The following DRD4 variants were observed in gnomAD, a reference collection of about 807,000 sequenced individuals.
DRD4 encodes dopamine receptor D4.
DRD4 carries 26 observed loss-of-function variants against 22.1 expected under a neutral mutation model. The ratio of observed to expected loss-of-function variants is 1.17; its 90% CI spans 0.86 to 1.63. DRD4 has a LOEUF of 1.63. Ranked by LOEUF, DRD4 falls within the 40% of genes most tolerant of loss-of-function variation. The pLI, the probability that DRD4 is intolerant of heterozygous loss-of-function variation, is 0.00. For missense variants in DRD4, 913 were observed against 632.4 expected (o/e 1.44, Z -4.76); for synonymous variants, 455 against 306.7 (o/e 1.48, Z -5.05).
chr11:640,345 G>T (rs763981192), intron 3 of DRD4, 39 bp downstream of exon 3: 13 of 1,554,138 alleles, frequency 8.4e-6, no homozygotes, highest in South Asian at 6.9e-5. Flanking sequence ...GAGAGGAGGG[G>T]GGGGGTACGA....
Position 637,275 on chromosome 11 carries a change from C to G in DRD4, c.-30C>G, listed in dbSNP as rs956929710. On this transcript the variant is annotated 5_prime_UTR_variant, in exon 1 of 4. Transcript: ENST00000176183. ...CCCCGGCTTGCGACCCGGCGTTGTC[C>G]GCGGTGCTCAGCGCCCGCCCGGGCG... 1.5e-5 allele frequency: 18 copies of G among 1,177,758 alleles called. No homozygotes were observed. In the South Asian group the frequency reaches 4.9e-4, roughly 32 times the overall value. 73.0% of individuals were successfully genotyped at this position (1,177,758 alleles called of 1,614,324 possible).
Position 637,335 on chromosome 11 carries a change from G to C in DRD4, c.31G>C (p.Gly11Arg), listed in dbSNP as rs189482961. The C allele has an allele frequency of 0.012, 15,314 of 1,263,252 alleles. 120 individuals are homozygous for C. Among genetic ancestry groups the C allele is most frequent in the Non-Finnish European group, 0.014 (14,127 of 1,009,710 alleles). The allele number at this position is 1,263,252 out of a possible 1,614,324, so 78.3% of individuals were successfully genotyped here. The change falls in exon 1 of 4, where the codon GGG becomes CGG. Residue 11 changes from glycine (G) to arginine (R), a missense_variant. Coordinates refer to ENST00000176183, the MANE Select transcript of DRD4 (RefSeq NM_000797.4). The part of the protein sequence containing the change: MGNRSTADAD[G>R]LLAGRGPAAG... ...GAACCGCAGCACCGCGGACGCGGAC[G>C]GGCTGCTGGCTGGGCGCGGGCCGGC...
At position 640,598 on chromosome 11, in the gene DRD4, T is replaced by C; in HGVS notation, c.1255T>C (p.Cys419Arg). 6.3e-7 allele frequency: 1 copy of C among 1,599,302 alleles called. No individual in the cohort carries two copies. Among genetic ancestry groups the C allele is most frequent in the Non-Finnish European group, 8.5e-7 (1 of 1,179,790 alleles). The change falls in exon 4 of 4, where the codon TGC becomes CGC. Residue 419 changes from cysteine (C) to arginine (R), a missense_variant. Cys to Arg is a radical substitution (Grantham distance 180). Coordinates refer to ENST00000176183, the MANE Select transcript of DRD4 (RefSeq NM_000797.4). ...CTTCCGCAAGGCCCTGCGTGCCTGCTGCTGAGCCGGGCACCCCCGGACGCC... is the reference window on the plus strand; with the variant it reads ...CTTCCGCAAGGCCCTGCGTGCCTGCCGCTGAGCCGGGCACCCCCGGACGCC... ...NVFRKALRAC[C>R]
chr11:639,326 G>A, intron 1 of DRD4, 107 bp from the exon 2 acceptor site: 1 of 1,060,190 alleles, frequency 9.4e-7, no homozygotes, highest in Non-Finnish European at 1.4e-6. Flanking sequence ...CTCACAGCCG[G>A]GCCCCCTTCT....
rs1296550152 is a variant in DRD4 at position 637,380 on chromosome 11, G to T, written c.76G>T (p.Ala26Ser). 6 of 1,302,380 alleles carry T rather than the reference G, an allele frequency of 4.6e-6. No individual in the cohort carries two copies. In the African/African-American group the frequency reaches 4.6e-5, roughly 10 times the overall value. 80.7% of individuals were successfully genotyped at this position (1,302,380 alleles called of 1,614,324 possible). A position where few individuals can be genotyped will look rare whatever the true frequency, so the allele number is the denominator to read the frequency against. Residue 26 changes from alanine (A) to serine (S), a missense_variant, in exon 1 of 4, where the codon GCA becomes TCA. By Grantham distance (99) the Ala-to-Ser change is moderately conservative. Transcript: ENST00000176183. Reference protein sequence around the residue: ...RGPAAGASAGASAGLAGQGAA... With the variant: ...RGPAAGASAGSSAGLAGQGAA... ...GCCGGCCGCGGGGGCATCTGCGGGG[G>T]CATCTGCGGGGCTGGCTGGGCAGGG... is the stretch of plus-strand genomic sequence containing the variant.
rs1221271250 is a variant in DRD4 at position 640,323 on chromosome 11, AG to A, written c.1057+21del. 7.6e-7 allele frequency: 1 copy of A among 1,319,336 alleles called. No individual in the cohort carries two copies. The highest frequency in any genetic ancestry group is 1.0e-6 in the Non-Finnish European group (1 of 953,988). The allele number at this position is 1,319,336 out of a possible 1,614,324, so 81.7% of individuals were successfully genotyped here. A position where few individuals can be genotyped will look rare whatever the true frequency, so the allele number is the denominator to read the frequency against. ...TGGTGGTCGGTGGGTTCCTGTCCTG[AG>A]GGGCGGGGAGGAGAGGAGGGGGGGG... On this transcript the variant is annotated intron_variant, in intron 3 of 3. Transcript: ENST00000176183.
At position 639,680 on chromosome 11, in the gene DRD4, A is replaced by G. The variant is rs1419455038; in HGVS notation, c.431A>G (p.Asn144Ser). The G allele has an allele frequency of 2.7e-6, 4 of 1,472,086 alleles. No homozygotes were observed. Among genetic ancestry groups the G allele is most frequent in the Non-Finnish European group, 3.6e-6 (4 of 1,116,842 alleles). The allele number at this position is 1,472,086 out of a possible 1,614,324, so 91.2% of individuals were successfully genotyped here. A position where few individuals can be genotyped will look rare whatever the true frequency, so the allele number is the denominator to read the frequency against. ...FVAVAVPLRY[N>S]RQGGSRRQLL... ...GCCGTGGCCGTGCCGCTGCGCTACA[A>G]CCGGCAGGGTGGGAGCCGCCGGCAG... is the stretch of plus-strand genomic sequence containing the variant. The change falls in exon 3 of 4, where the codon AAC (asparagine) becomes AGC (serine). Residue 144 changes from asparagine (N) to serine (S), a missense_variant. Coordinates refer to ENST00000176183, the MANE Select transcript of DRD4 (RefSeq NM_000797.4).
chr11:639,460 C>A lies in DRD4; in HGVS notation c.313C>A (p.Pro105Thr), dbSNP rs780199282. ...EVQGGAWLLS[P>T]RLCDALMAMD... ...CCAGGGTGGCGCGTGGCTGCTGAGCCCCCGCCTGTGCGACGCCCTCATGGC... is the reference window on the plus strand; with the variant it reads ...CCAGGGTGGCGCGTGGCTGCTGAGCACCCGCCTGTGCGACGCCCTCATGGC... Residue 105 changes from proline to threonine, a missense_variant, in exon 2 of 4, where the codon CCC becomes ACC. Transcript: ENST00000176183. 1.2e-6 allele frequency: 2 copies of A among 1,600,062 alleles called. No individual in the cohort carries two copies. The highest frequency in any genetic ancestry group is 2.2e-5 in the South Asian group (2 of 90,318).
At position 639,524 on chromosome 11, in the gene DRD4, TGTGCGCCATCAGCGTGGACAG is replaced by T; in HGVS notation, c.385_398+7del. 1 of 1,599,752 alleles carries T rather than the reference TGTGCGCCATCAGCGTGGACAG, an allele frequency of 6.3e-7. No homozygotes were observed. Among genetic ancestry groups the T allele is most frequent in the Middle Eastern group, 1.7e-4 (1 of 6,048 alleles). On this transcript the variant is annotated inframe_deletion and splice_region_variant, in exon 2 of 4. Transcript: ENST00000176183. ...CTGTGCACCGCCTCCATCTTCAACC[TGTGCGCCATCAGCGTGGACAG>T]GTGCGCCGCCCTCCCCGCCCGCGCC...
chr11:639,760 C>G lies in DRD4; in HGVS notation c.511C>G (p.Leu171Val). ...LLSAAVAAPV[L>V]CGLNDVRGRD... Reference sequence around the variant, plus strand: ...GTCCGCGGCGGTGGCGGCGCCCGTACTGTGCGGCCTCAACGACGTGCGCGG... The same window carrying G: ...GTCCGCGGCGGTGGCGGCGCCCGTAGTGTGCGGCCTCAACGACGTGCGCGG... The change falls in exon 3 of 4, where the codon CTG (leucine) becomes GTG (valine). Residue 171 changes from leucine to valine, a missense_variant. Physicochemically the swap from Leu to Val is conservative, Grantham distance 32. Coordinates refer to ENST00000176183, the MANE Select transcript of DRD4 (RefSeq NM_000797.4). The G allele has an allele frequency of 6.4e-7, 1 of 1,565,854 alleles. No individual in the cohort carries two copies. The highest frequency in any genetic ancestry group is 8.6e-7 in the Non-Finnish European group (1 of 1,165,556).
rs1185273003 is a variant in DRD4, at chr11:640,278, G to A, written c.1029G>A (p.Lys343=). Residue 343 remains lysine, a synonymous_variant, in exon 3 of 4, where the codon AAG becomes AAA. Transcript: ENST00000176183. ...CCAAGATCACCGGCCGGGAGCGCAA[G>A]GCCATGAGGGTCCTGCCGGTGGTGG... ...RRAKITGRER[K]AMRVLPVVVG... The A allele has an allele frequency of 3.3e-6, 5 of 1,534,794 alleles. No homozygotes were observed. The highest frequency in any genetic ancestry group is 2.0e-5 in the Admixed American group (1 of 51,054).
At position 639,857 on chromosome 11, in the gene DRD4, T is replaced by C; in HGVS notation, c.608T>C (p.Leu203Pro). The C allele has an allele frequency of 6.3e-7, 1 of 1,584,000 alleles. No individual in the cohort carries two copies. Among genetic ancestry groups the C allele is most frequent in the Non-Finnish European group, 8.5e-7 (1 of 1,172,452 alleles). ...VVYSSVCSFF[L>P]PCPLMLLLYW... The stretch of plus-strand genomic sequence containing the variant: ...TACTCGTCCGTGTGCTCCTTCTTCC[T>C]ACCCTGCCCGCTCATGCTGCTGCTC... The change falls in exon 3 of 4, where the codon CTA becomes CCA. Residue 203 changes from leucine to proline, a missense_variant. Leu to Pro is a moderately conservative substitution (Grantham distance 98). Coordinates refer to ENST00000176183, the MANE Select transcript of DRD4 (RefSeq NM_000797.4).
rs760248377 is a variant in DRD4 at position 640,216 on chromosome 11, C to T, written c.967C>T (p.Pro323Ser). 4.1e-5 allele frequency: 63 copies of T among 1,532,330 alleles called. No homozygotes were observed. Among genetic ancestry groups the T allele is most frequent in the Admixed American group, 2.0e-5 (1 of 50,846 alleles). 94.9% of individuals were successfully genotyped at this position (1,532,330 alleles called of 1,614,324 possible). Residue 323 changes from proline (P) to serine (S), a missense_variant, in exon 3 of 4, where the codon CCC becomes TCC. Transcript: ENST00000176183. ...PDAVRAAALPPQTPPQTRRRR... is the reference protein window; with the variant it reads ...PDAVRAAALPSQTPPQTRRRR... ...CGCCGTCAGAGCCGCCGCGCTCCCA[C>T]CCCAGACTCCACCGCAGACCCGCAG...
Position 639,796 on chromosome 11 carries a change from G to A in DRD4, c.547G>A (p.Ala183Thr), listed in dbSNP as rs1187739945. Residue 183 changes from alanine (A) to threonine (T), a missense_variant, in exon 3 of 4, where the codon GCC becomes ACC. Ala to Thr is a moderately conservative substitution (Grantham distance 58). Transcript: ENST00000176183. ...GLNDVRGRDP[A>T]VCRLEDRDYV... is the part of the protein sequence containing the mutation. ...CAACGACGTGCGCGGCCGCGACCCC[G>A]CCGTGTGCCGCCTGGAGGACCGCGA... 1.3e-6 allele frequency: 2 copies of A among 1,580,482 alleles called. No individual in the cohort carries two copies. The highest frequency in any genetic ancestry group is 1.7e-6 in the Non-Finnish European group (2 of 1,171,640).
chr11:637,726 C>T (rs1341273488), intron 1 of DRD4, 137 bp downstream of exon 1: 5 of 1,472,046 alleles, frequency 3.4e-6, no homozygotes, highest in Admixed American at 4.0e-5. Flanking sequence ...GGCGCTGCGC[C>T]TTGTCCCTCG....
In DRD4 at chr11:640,411, G is replaced by C. The variant is rs199628904; in HGVS notation, c.1068G>C (p.Leu356=). ...RVLPVVVGAF[L]LCWTPFFVVH... is the part of the protein sequence containing the mutation. ...TCTCGGCGCCCCCAGGGGCCTTCCT[G>C]CTGTGCTGGACGCCCTTCTTCGTGG... The change falls in exon 4 of 4, where the codon CTG becomes CTC. Residue 356 remains leucine, a synonymous_variant. Coordinates refer to ENST00000176183, the MANE Select transcript of DRD4 (RefSeq NM_000797.4). The C allele has an allele frequency of 5.6e-6, 9 of 1,599,784 alleles. No homozygotes were observed. The African/African-American group carries it at 1.1e-4, about 19-fold the overall frequency.
At chr11:637,677 C>T (rs1858095470) in intron 1 of DRD4, 88 bp downstream of exon 1, 5 of 1,530,090 alleles carry the variant, frequency 3.3e-6, no homozygotes, top group Admixed American at 3.9e-5. Flanking sequence ...CGACCCGGCC[C>T]CTTTCTGGTG....
At position 640,612 on chromosome 11, in the gene DRD4, C is replaced by G. The variant is rs781259520; in HGVS notation, c.*9C>G. On this transcript the variant is annotated 3_prime_UTR_variant, in exon 4 of 4. Coordinates refer to ENST00000176183, the MANE Select transcript of DRD4 (RefSeq NM_000797.4). ...TGCGTGCCTGCTGCTGAGCCGGGCA[C>G]CCCCGGACGCCCCCCGGCCTGATGG... 2 of 1,598,912 alleles carry G rather than the reference C, an allele frequency of 1.3e-6. No homozygotes were observed. The highest frequency in any genetic ancestry group is 2.2e-5 in the South Asian group (2 of 91,012).
Position 640,487 on chromosome 11 carries a change from G to C in DRD4, c.1144G>C (p.Val382Leu). The C allele has an allele frequency of 1.2e-5, 20 of 1,602,144 alleles. No homozygotes were observed. Among genetic ancestry groups the C allele is most frequent in the South Asian group, 2.2e-5 (2 of 91,088 alleles). The change falls in exon 4 of 4, where the codon GTC becomes CTC. Residue 382 changes from valine (V) to leucine (L), a missense_variant. Coordinates refer to ENST00000176183, the MANE Select transcript of DRD4 (RefSeq NM_000797.4). ...TGCCTGCTCCGTGCCCCCGCGGCTGGTCAGCGCCGTCACCTGGCTGGGCTA... is the reference window on the plus strand; with the variant it reads ...TGCCTGCTCCGTGCCCCCGCGGCTGCTCAGCGCCGTCACCTGGCTGGGCTA... ...CPACSVPPRLVSAVTWLGYVN... is the reference protein window; with the variant it reads ...CPACSVPPRLLSAVTWLGYVN...
Sources: allele counts gnomAD v4.1 joint callset, GRCh38; gene constraint gnomAD v4.1.1; transcripts MANE v1.5; gene names NCBI Gene and HGNC (gene_info 2026-07-23, HGNC 2026-07-21).